Variants in BPIFC observed in about 807,000 individuals in gnomAD.
BPIFC encodes the protein BPI fold-containing family C protein.
A neutral mutation model predicts 57.6 loss-of-function variants in BPIFC; 60 were observed. The observed-to-expected ratio is 1.04, with a 90% CI of 0.85 to 1.29. BPIFC has a LOEUF of 1.29. Ranked by LOEUF, BPIFC falls within the 50% of genes most tolerant of loss-of-function variation. The pLI, the probability that BPIFC is intolerant of heterozygous loss-of-function variation, is 0.00. For missense variants in BPIFC, 581 were observed against 600.5 expected, an observed-to-expected ratio of 0.97 and a Z score of 0.34; for synonymous variants, 243 against 224.5, an observed-to-expected ratio of 1.08 and a Z score of -0.74.
chr22:32,463,495 C>T (rs1244103053), intron 1 of BPIFC, among the ~76,000 whole-genome samples: 1 of 152,136 alleles, frequency 6.6e-6, no homozygotes, highest in East Asian at 1.9e-4. Flanking sequence ...TAAGAAAATG[C>T]CAGTCCAATT....
At chr22:32,417,889 A>C (rs926172376) in intron 14 of BPIFC, among the ~76,000 whole-genome samples, 6 of 150,814 alleles carry the variant, frequency 4.0e-5, no homozygotes, top group African/African-American at 1.5e-4. Context: ...TTTTTTTTTG[A>C]GATGGAGGCT....
chr22:32,437,321 T>G (rs1934434870), intron 9 of BPIFC, among the ~76,000 whole-genome samples: 1 of 152,220 alleles, frequency 6.6e-6, no homozygotes, highest in Non-Finnish European at 1.5e-5. Context: ...AAAATTAAAT[T>G]ATTCCAAGAG....
chr22:32,437,948 C>A (rs753242193), intron 8 of BPIFC, 97 bp from the exon 9 acceptor site: 2 of 671,678 alleles, frequency 3.0e-6, no homozygotes, highest in African/African-American at 1.8e-5. Context: ...ATTTTAAATT[C>A]TCTGTTTAAA....
intron 7 of BPIFC, among the ~76,000 whole-genome samples, chr22:32,444,948 G>A (rs957226915): frequency 6.6e-6 from 1 of 152,168 alleles, no homozygotes; most frequent in Non-Finnish European, 1.5e-5. Flanking sequence ...GAATACACAA[G>A]TGTATCCCTC....
chr22:32,424,678 TTCTTCTTCTTCTTCC>T (rs1569448066), intron 13 of BPIFC, among the ~76,000 whole-genome samples: 14 of 90,484 alleles, frequency 1.5e-4, no homozygotes, highest in South Asian at 7.5e-4. Flanking sequence ...CTTCTTCTTC[TTCTTCTTCTTCTTCC>T]TCTTCTTCTT....
chr22:32,449,884 A>G (rs940903678), intron 4 of BPIFC, among the ~76,000 whole-genome samples: 8 of 151,860 alleles, frequency 5.3e-5, no homozygotes, highest in South Asian at 2.1e-4. Context: ...ATAGGCGCCC[A>G]CCACCATGCC....
intron 8 of BPIFC, among the ~76,000 whole-genome samples, chr22:32,439,312 C>T (rs1345983354): frequency 3.3e-5 from 5 of 149,594 alleles, no homozygotes; most frequent in South Asian, 2.1e-4. Context: ...GTAACAAGAG[C>T]GAAACTCCGT....
At chr22:32,444,917 C>T (rs1934673402) in intron 7 of BPIFC, among the ~76,000 whole-genome samples, 1 of 152,180 alleles carries the variant, frequency 6.6e-6, no homozygotes, top group Non-Finnish European at 1.5e-5. Context: ...TATTGTTTCA[C>T]AAGCCCGAGT....
chr22:32,426,702 G>A (rs1301326881), intron 13 of BPIFC, among the ~76,000 whole-genome samples: 5 of 151,930 alleles, frequency 3.3e-5, no homozygotes, highest in African/African-American at 1.2e-4. Context: ...GACCAGCCTG[G>A]CCAACATGGC....
chr22:32,445,947 C>G lies in BPIFC; in HGVS notation c.424G>C (p.Gly142Arg). ...DLFLSGVYFT[G>R]IIILTRNDFG... is the part of the protein sequence containing the mutation. ...TCATTTCGGGTTAGGATAATGATAC[C>G]GGTAAAGTAGACTCCGGAGAGAAAC... is the stretch of plus-strand genomic sequence containing the variant. Residue 142 changes from glycine to arginine, a missense_variant, in exon 6 of 17, where the codon GGT (glycine) becomes CGT (arginine). Gly to Arg is a moderately radical substitution (Grantham distance 125). Transcript: ENST00000300399. 6.2e-7 allele frequency: 1 copy of G among 1,614,042 alleles called. No individual in the cohort carries two copies. The highest frequency in any genetic ancestry group is 8.5e-7 in the Non-Finnish European group (1 of 1,180,000).
chr22:32,452,386 C>A (rs534073127), intron 4 of BPIFC, among the ~76,000 whole-genome samples: 2 of 152,302 alleles, frequency 1.3e-5, no homozygotes, highest in African/African-American at 4.8e-5. Flanking sequence ...CCTGTAATCC[C>A]AGCACTTTGG....
intron 5 of BPIFC, chr22:32,446,661 C>T (rs749527217): frequency 1.2e-6 from 1 of 809,416 alleles, no homozygotes; most frequent in Non-Finnish European, 1.5e-6. Flanking sequence ...CCTGTGGCAC[C>T]AACCAAGGCA....
At chr22:32,424,851 G>A (rs1201311188) in intron 13 of BPIFC, among the ~76,000 whole-genome samples, 5 of 145,184 alleles carry the variant, frequency 3.4e-5, no homozygotes, top group Non-Finnish European at 6.0e-5. Context: ...GTGTGATCTC[G>A]GCTCACTGCA....
chr22:32,424,589 CTTCTT>C lies in BPIFC; in HGVS notation c.1218-5190_1218-5186del, dbSNP rs1933946264. Reference sequence around the variant, plus strand: ...TGTTATTTTCTTTCTTCTTCTTCTTCTTCTTCTTCTTCTCCTCCTCCTCCTCCTCC... The same window carrying C: ...TGTTATTTTCTTTCTTCTTCTTCTTCCTTCTTCTCCTCCTCCTCCTCCTCC... On this transcript the variant is annotated intron_variant, in intron 13 of 16. Transcript: ENST00000300399. Among the ~76,000 whole-genome samples the C allele has an allele frequency of 7.3e-4, 64 of 87,672 alleles. 2 individuals carry two copies. The highest frequency in any genetic ancestry group is 2.9e-3 in the East Asian group (9 of 3,150). 57.5% of individuals were successfully genotyped at this position (87,672 alleles called of 152,430 possible). A position where few individuals can be genotyped will look rare whatever the true frequency, so the allele number is the denominator to read the frequency against.
Position 32,442,734 on chromosome 22 carries a change from G to A in BPIFC, c.595-3C>T, listed in dbSNP as rs1056588645. ...TCACTTGCAATAATGGGACAGAGCT[G>A]GCCACAAAGGAATAAAAAGAAAAAA... On this transcript the variant is annotated splice_polypyrimidine_tract_variant and splice_region_variant and intron_variant, in intron 7 of 16. Coordinates refer to ENST00000300399, the MANE Select transcript of BPIFC (RefSeq NM_174932.3). 5 of 1,613,302 alleles carry A rather than the reference G, an allele frequency of 3.1e-6. No homozygotes were observed. In the African/African-American group the frequency reaches 6.7e-5, roughly 22 times the overall value.
At chr22:32,419,852 A>G (rs1933792291) in intron 13 of BPIFC, among the ~76,000 whole-genome samples, 1 of 151,802 alleles carries the variant, frequency 6.6e-6, no homozygotes, top group East Asian at 1.9e-4. Flanking sequence ...CACACACACA[A>G]ATAAAACTGG....
intron 13 of BPIFC, among the ~76,000 whole-genome samples, chr22:32,429,533 T>TTTTTTTTTTC (rs1934177871): frequency 7.5e-6 from 1 of 133,720 alleles, no homozygotes; most frequent in Non-Finnish European, 1.6e-5. Flanking sequence ...TTTTTTTTTT[T>TTTTTTTTTTC]TTTCATGAAG....
At chr22:32,428,327 A>G (rs1934132357) in intron 13 of BPIFC, among the ~76,000 whole-genome samples, 1 of 151,446 alleles carries the variant, frequency 6.6e-6, no homozygotes, top group African/African-American at 2.4e-5. Flanking sequence ...TGTCGCCCAG[A>G]TTGAGATCAT....
chr22:32,445,867 G>A lies in BPIFC; in HGVS notation c.504C>T (p.Ala168=), dbSNP rs943803304. Residue 168 remains alanine (A), a synonymous_variant, in exon 6 of 17, where the codon GCC becomes GCT. Transcript: ENST00000300399. The part of the protein sequence containing the change: ...LQDCYAQLSH[A]HVSFSGELSV... Reference sequence around the variant, plus strand: ...TGAGTTCTCCGGAAAATGAGACGTGGGCATGGCTCAGTTGGGCGTAGCAAT... The same window carrying A: ...TGAGTTCTCCGGAAAATGAGACGTGAGCATGGCTCAGTTGGGCGTAGCAAT... 6.2e-7 allele frequency: 1 copy of A among 1,614,098 alleles called. No homozygotes were observed. The highest frequency in any genetic ancestry group is 8.5e-7 in the Non-Finnish European group (1 of 1,180,018).
Sources: gnomAD v4.1 joint callset for allele counts (sites outside exome capture counted in the v4.1 genomes callset) on GRCh38, gnomAD v4.1.1 for gene constraint, MANE v1.5 for transcripts, NCBI Gene and HGNC (gene_info 2026-07-23, HGNC 2026-07-21) for gene names.